The following C1QTNF7 variants were observed in gnomAD, a reference collection of about 807,000 sequenced individuals.
The protein encoded by C1QTNF7 is complement C1q tumor necrosis factor-related protein 7.
In C1QTNF7, 15 loss-of-function variants were observed where a neutral mutation model predicts 19.6. The ratio of observed to expected loss-of-function variants is 0.76; its 90% confidence interval spans 0.51 to 1.18. The LOEUF (loss-of-function observed/expected upper bound fraction) is 1.18. Ranked by LOEUF, C1QTNF7 falls within the 50% of genes most tolerant of loss-of-function variation. C1QTNF7 has a pLI of 0.00. For synonymous variants in C1QTNF7, 142 were observed against 137.5 expected, an observed-to-expected ratio of 1.03 and a Z score of -0.23; for missense variants, 324 against 359.7, an observed-to-expected ratio of 0.90 and a Z score of 0.80.
intron 1 of C1QTNF7, among the ~76,000 whole-genome samples, chr4:15,350,235 A>G (rs1460185483): frequency 3.6e-5 from 2 of 55,884 alleles, no homozygotes; most frequent in Non-Finnish European, 7.9e-5. Context: ...AGGAGGAAAG[A>G]AGGGAGGGAG....
chr4:15,383,246 C>G (rs967328545), intron 1 of C1QTNF7, among the ~76,000 whole-genome samples: 1 of 152,142 alleles, frequency 6.6e-6, no homozygotes, highest in African/African-American at 2.4e-5. Context: ...TATCTTCCCC[C>G]AATCCCCCCA....
At chr4:15,369,421 A>G (rs1717642942) in intron 1 of C1QTNF7, among the ~76,000 whole-genome samples, 1 of 152,146 alleles carries the variant, frequency 6.6e-6, no homozygotes, top group African/African-American at 2.4e-5. Flanking sequence ...AACATATATT[A>G]TTTCTAATGG....
chr4:15,417,297 T>A (rs1719637070), intron 1 of C1QTNF7, among the ~76,000 whole-genome samples: 1 of 152,194 alleles, frequency 6.6e-6, no homozygotes, highest in Admixed American at 6.5e-5. Flanking sequence ...GAGAACCCCA[T>A]ACTACTAAGC....
At chr4:15,353,790 A>C (rs1281863562) in intron 1 of C1QTNF7, among the ~76,000 whole-genome samples, 2 of 152,140 alleles carry the variant, frequency 1.3e-5, no homozygotes, top group African/African-American at 4.8e-5. Flanking sequence ...AAATCTGGAC[A>C]ATACGGCAAG....
intron 1 of C1QTNF7, among the ~76,000 whole-genome samples, chr4:15,354,013 T>C (rs1299718708): frequency 6.6e-6 from 1 of 152,124 alleles, no homozygotes; most frequent in Non-Finnish European, 1.5e-5. Flanking sequence ...GCAGTATTCA[T>C]GGATTTCAGG....
At chr4:15,360,552 G>A (rs980309056) in intron 1 of C1QTNF7, among the ~76,000 whole-genome samples, 4 of 152,072 alleles carry the variant, frequency 2.6e-5, no homozygotes, top group African/African-American at 9.7e-5. Flanking sequence ...CTTGCACTTA[G>A]AAACACTAGT....
chr4:15,375,634 T>C (rs1717911462), intron 1 of C1QTNF7, among the ~76,000 whole-genome samples: 1 of 152,156 alleles, frequency 6.6e-6, no homozygotes, highest in Admixed American at 6.5e-5. Context: ...TGAATGTCCA[T>C]TTTGCAAGTC....
chr4:15,441,743 T>C (rs1019934545), intron 2 of C1QTNF7, among the ~76,000 whole-genome samples: 1 of 152,234 alleles, frequency 6.6e-6, no homozygotes, highest in Non-Finnish European at 1.5e-5. Context: ...TATTATTGGC[T>C]GGGCGCGGTG....
upstream of C1QTNF7, among the ~76,000 whole-genome samples, chr4:15,426,616 T>C (rs1334270871): frequency 1.3e-5 from 2 of 152,154 alleles, no homozygotes; most frequent in African/African-American, 4.8e-5. Context: ...AAAGAAAATA[T>C]GAATATCCAC....
rs970912496 is a variant in C1QTNF7 at position 15,436,132 on chromosome 4, A to C, written c.238+151A>C. The C allele has an allele frequency of 5.0e-5, 56 of 1,112,490 alleles. No homozygotes were observed. The African/African-American group carries it at 8.4e-4, about 17-fold the overall frequency. 68.9% of individuals were successfully genotyped at this position (1,112,490 alleles called of 1,614,324 possible). On this transcript the variant is annotated intron_variant, in intron 2 of 2. Coordinates refer to ENST00000444304, the MANE Select transcript of C1QTNF7 (RefSeq NM_031911.5). ...ACTTACTGAGCCCTTACTAGGCTTCAGATGCTTCCCTAAACTCTGTAGCTG... is the reference window on the plus strand; with the variant it reads ...ACTTACTGAGCCCTTACTAGGCTTCCGATGCTTCCCTAAACTCTGTAGCTG...
rs535051154 is a variant in C1QTNF7, at chr4:15,354,447, G to A, written c.13+14240G>A. Among the ~76,000 whole-genome samples, 3 of 152,224 alleles carry A rather than the reference G, an allele frequency of 2.0e-5. No homozygotes were observed. The South Asian group carries it at 6.2e-4, about 32-fold the overall frequency. On this transcript the variant is annotated intron_variant, in intron 1 of 2. Coordinates refer to the C1QTNF7 transcript ENST00000295297. ...GTGTGGGGGAGGTACTGGATGTGGG[G>A]AGGCCAGATGGGGAACTCTCCTCAG...
intron 1 of C1QTNF7, among the ~76,000 whole-genome samples, chr4:15,410,427 A>ATG (rs748457472): frequency 5.9e-5 from 9 of 152,242 alleles, no homozygotes; most frequent in Non-Finnish European, 5.9e-5. Context: ...TTGACTCTCA[A>ATG]TGTTTCTCTT....
chr4:15,371,019 T>C (rs765874686), intron 1 of C1QTNF7, among the ~76,000 whole-genome samples: 47 of 152,352 alleles, frequency 3.1e-4, no homozygotes, highest in Non-Finnish European at 4.6e-4. Context: ...AAAATGTCTT[T>C]CCCTGGTAGG....
At chr4:15,375,435 T>A (rs1717903101) in intron 1 of C1QTNF7, among the ~76,000 whole-genome samples, 1 of 152,220 alleles carries the variant, frequency 6.6e-6, no homozygotes, top group Admixed American at 6.5e-5. Context: ...GGTAAAACTA[T>A]GAGTTTGCAT....
chr4:15,402,597 A>G (rs1264222180), intron 1 of C1QTNF7, among the ~76,000 whole-genome samples: 1 of 152,228 alleles, frequency 6.6e-6, no homozygotes, highest in Non-Finnish European at 1.5e-5. Flanking sequence ...GTGGAAGGGA[A>G]AAATGAAATA....
At chr4:15,348,247 T>A (rs1318487061) in intron 1 of C1QTNF7, among the ~76,000 whole-genome samples, 1 of 152,132 alleles carries the variant, frequency 6.6e-6, no homozygotes, top group Non-Finnish European at 1.5e-5. Context: ...TGGAGTTGCA[T>A]GTGGGTGTAA....
chr4:15,432,998 A>C (rs1712387715), intron 1 of C1QTNF7, among the ~76,000 whole-genome samples: 1 of 152,044 alleles, frequency 6.6e-6, no homozygotes, highest in Admixed American at 6.5e-5. Context: ...TCTTCTTCAC[A>C]GACTGTTCCT....
At chr4:15,377,316 C>T (rs1331056744) in intron 1 of C1QTNF7, among the ~76,000 whole-genome samples, 2 of 152,080 alleles carry the variant, frequency 1.3e-5, no homozygotes, top group African/African-American at 2.4e-5. Flanking sequence ...CTTGTTGATA[C>T]CCCCGTGCTT....
In C1QTNF7 at chr4:15,369,432, C is replaced by A. The variant is rs573118847; in HGVS notation, c.13+29225C>A. ...GTTAAACATATATTATTTCTAATGGCCCTTGTTAAATTTGCTGCATTGTTT... is the reference window on the plus strand; with the variant it reads ...GTTAAACATATATTATTTCTAATGGACCTTGTTAAATTTGCTGCATTGTTT... On this transcript the variant is annotated intron_variant, in intron 1 of 2. Transcript: ENST00000295297. Among the ~76,000 whole-genome samples the A allele has an allele frequency of 1.8e-4, 27 of 152,142 alleles. No homozygotes were observed. In the South Asian group the frequency reaches 2.7e-3, roughly 15 times the overall value.
Sources: gnomAD v4.1 joint callset for allele counts (sites outside exome capture counted in the v4.1 genomes callset) on GRCh38, gnomAD v4.1.1 for gene constraint, MANE v1.5 for transcripts, NCBI Gene and HGNC (gene_info 2026-07-23, HGNC 2026-07-21) for gene names.